The following MDFIC2 variants were observed in gnomAD, a reference collection of about 807,000 sequenced individuals.
MDFIC2 encodes the protein myoD family inhibitor domain-containing protein 2.
chr3:70,261,517 C>A (rs909822461), intron 2 of MDFIC2, among the ~76,000 whole-genome samples: 1 of 152,134 alleles, frequency 6.6e-6, no homozygotes, highest in Non-Finnish European at 1.5e-5. Flanking sequence ...AATTACATTT[C>A]AATTTCCGTG....
At chr3:70,198,735 G>A (rs1282661517) in intron 3 of MDFIC2, among the ~76,000 whole-genome samples, 1 of 152,000 alleles carries the variant, frequency 6.6e-6, no homozygotes, top group African/African-American at 2.4e-5. Context: ...TTATAGTTCA[G>A]GCAGCATATT....
At chr3:70,230,455 A>C (rs1008696728) in intron 2 of MDFIC2, among the ~76,000 whole-genome samples, 1 of 151,890 alleles carries the variant, frequency 6.6e-6, no homozygotes, top group Non-Finnish European at 1.5e-5. Context: ...GGATCTCAAA[A>C]CCTCTATGAA....
At chr3:70,240,822 A>G (rs1022367360) in intron 2 of MDFIC2, among the ~76,000 whole-genome samples, 2 of 152,138 alleles carry the variant, frequency 1.3e-5, no homozygotes, top group African/African-American at 4.8e-5. Flanking sequence ...AATAATTAAG[A>G]TATTAAGTGG....
In MDFIC2 at chr3:70,228,741, C is replaced by A. The variant is rs1346983388; in HGVS notation, c.89-21951G>T. Among the ~76,000 whole-genome samples the A allele has an allele frequency of 5.2e-5, 7 of 133,520 alleles. No individual in the cohort carries two copies. In the East Asian group the frequency reaches 1.5e-3, roughly 29 times the overall value. The allele number at this position is 133,520 out of a possible 152,430, so 87.6% of individuals were successfully genotyped here. ...TCTTCTCATTAATTTTTTCATGAAT[C>A]TTTTTTTTTTTTTACTAACAACAGT... On this transcript the variant is annotated intron_variant, in intron 2 of 3. Coordinates refer to ENST00000567252, the MANE Select transcript of MDFIC2 (RefSeq NM_001364677.1).
At chr3:70,258,123 A>T (rs1038860688) in intron 2 of MDFIC2, among the ~76,000 whole-genome samples, 1 of 152,190 alleles carries the variant, frequency 6.6e-6, no homozygotes, top group African/African-American at 2.4e-5. Context: ...CACATCATAG[A>T]CAAAAAAATT....
intron 2 of MDFIC2, chr3:70,291,991 A>G (rs910986114): frequency 3.3e-5 from 5 of 152,206 alleles, no homozygotes; most frequent in Non-Finnish European, 7.3e-5. Flanking sequence ...CATTTCTATC[A>G]TATACAAGAC....
intron 2 of MDFIC2, among the ~76,000 whole-genome samples, chr3:70,210,356 G>A (rs1222251574): frequency 6.6e-6 from 1 of 152,040 alleles, no homozygotes; most frequent in Non-Finnish European, 1.5e-5. Context: ...TCATTCCTCA[G>A]TGGGAACTAT....
intron 2 of MDFIC2, among the ~76,000 whole-genome samples, chr3:70,254,481 G>T (rs78935718): frequency 0.013 from 2,035 of 152,132 alleles, 19 homozygotes; most frequent in Non-Finnish European, 0.02. Flanking sequence ...ACCTTCTTTT[G>T]GGCTTTCCTT....
chr3:70,286,076 G>C (rs1228014272), intron 2 of MDFIC2, among the ~76,000 whole-genome samples: 1 of 152,128 alleles, frequency 6.6e-6, no homozygotes, highest in Non-Finnish European at 1.5e-5. Context: ...GATCCCATTT[G>C]TCAATTTTGT....
At chr3:70,304,498 C>G (rs1425497138) in intron 2 of MDFIC2, among the ~76,000 whole-genome samples, 1 of 152,128 alleles carries the variant, frequency 6.6e-6, no homozygotes, top group African/African-American at 2.4e-5. Flanking sequence ...CAATTTCTCT[C>G]TCTCACTTCA....
At chr3:70,299,880 T>C (rs915585134) in intron 2 of MDFIC2, among the ~76,000 whole-genome samples, 1 of 152,064 alleles carries the variant, frequency 6.6e-6, no homozygotes, top group Admixed American at 6.6e-5. Context: ...AACCTAACGT[T>C]AAAAGTCCTT....
chr3:70,276,752 C>T (rs1021869298), intron 2 of MDFIC2, among the ~76,000 whole-genome samples: 2 of 152,184 alleles, frequency 1.3e-5, no homozygotes, highest in Non-Finnish European at 2.9e-5. Context: ...TGTGTTTTCA[C>T]ACTATAATGG....
intron 2 of MDFIC2, among the ~76,000 whole-genome samples, chr3:70,284,153 G>T (rs1014346470): frequency 2.4e-4 from 37 of 152,126 alleles, no homozygotes; most frequent in African/African-American, 8.4e-4. Context: ...GAAAGCAAGA[G>T]TCACAGTGTA....
intron 2 of MDFIC2, among the ~76,000 whole-genome samples, chr3:70,296,557 C>T (rs1702291022): frequency 6.6e-6 from 1 of 151,672 alleles, no homozygotes; most frequent in African/African-American, 2.4e-5. Context: ...GGAATCTACC[C>T]TACATTTCTC....
At chr3:70,280,327 G>A (rs1386940985) in intron 2 of MDFIC2, among the ~76,000 whole-genome samples, 5 of 152,066 alleles carry the variant, frequency 3.3e-5, no homozygotes, top group African/African-American at 9.7e-5. Context: ...TCACATCTAC[G>A]AAGACCCTTT....
chr3:70,250,409 T>A (rs1701749833), intron 2 of MDFIC2, among the ~76,000 whole-genome samples: 1 of 126,222 alleles, frequency 7.9e-6, no homozygotes, highest in African/African-American at 3.1e-5. Context: ...TTTTAATGAA[T>A]CTCACACACA....
At chr3:70,307,678 A>G (rs1217267028) in intron 2 of MDFIC2, among the ~76,000 whole-genome samples, 1 of 151,934 alleles carries the variant, frequency 6.6e-6, no homozygotes, top group African/African-American at 2.4e-5. Context: ...TTAACATTTC[A>G]TCTGCTGGCT....
chr3:70,229,665 G>A (rs571037295), intron 2 of MDFIC2, among the ~76,000 whole-genome samples: 12 of 152,232 alleles, frequency 7.9e-5, no homozygotes, highest in Middle Eastern at 3.4e-3. Flanking sequence ...AGAAAATATG[G>A]TAGACAACTC....
intron 2 of MDFIC2, among the ~76,000 whole-genome samples, chr3:70,247,116 C>T (rs1008917010): frequency 3.9e-5 from 6 of 151,912 alleles, no homozygotes; most frequent in Admixed American, 6.6e-5. Context: ...AAGATCAATT[C>T]ATGTTGCTTG....
Sources: allele counts gnomAD v4.1 joint callset (sites outside exome capture counted in the v4.1 genomes callset), GRCh38; gene constraint gnomAD v4.1.1; transcripts MANE v1.5; gene names NCBI Gene and HGNC (gene_info 2026-07-23, HGNC 2026-07-21).